The following ZSCAN5A variants were observed in gnomAD, a reference collection of about 807,000 sequenced individuals.
The protein encoded by ZSCAN5A is zinc finger and SCAN domain containing 5A.
Under a neutral mutation model 23.7 loss-of-function variants are expected in ZSCAN5A, and 12 were observed. The observed-to-expected ratio is 0.51, with a 90% CI of 0.32 to 0.82. ZSCAN5A has a LOEUF of 0.82. ZSCAN5A is among the 40% of genes least tolerant of loss of function. The pLI, the probability that ZSCAN5A is intolerant of heterozygous loss-of-function variation, is 0.03. For missense variants in ZSCAN5A, 597 were observed against 617.9 expected, an observed-to-expected ratio of 0.97 and a Z score of 0.36; for synonymous variants, 257 against 239.9, an observed-to-expected ratio of 1.07 and a Z score of -0.66.
chr19:56,276,506 C>CTTTTT (rs3059506), intron 2 of ZSCAN5A, among the ~76,000 whole-genome samples: 52,413 of 138,538 alleles, frequency 0.38, 10,967 homozygotes, highest in Non-Finnish European at 0.48. Context: ...CTAAAGAGCT[C>CTTTTT]TTTTTTTTTT....
At chr19:56,273,778 G>A (rs1298400510) in intron 2 of ZSCAN5A, among the ~76,000 whole-genome samples, 1 of 152,182 alleles carries the variant, frequency 6.6e-6, no homozygotes, top group Non-Finnish European at 1.5e-5. Context: ...GGGCATGTGA[G>A]TCACAGGAAA....
intron 2 of ZSCAN5A, among the ~76,000 whole-genome samples, chr19:56,349,073 G>C (rs567702595): frequency 1.3e-5 from 2 of 152,222 alleles, no homozygotes; most frequent in Non-Finnish European, 2.9e-5. Context: ...CTTTTCACTT[G>C]GGAAAGGATA....
chr19:56,253,470 G>A (rs1216928253), intron 2 of ZSCAN5A, among the ~76,000 whole-genome samples: 3 of 152,092 alleles, frequency 2.0e-5, no homozygotes, highest in Non-Finnish European at 2.9e-5. Context: ...AAAGAATCCC[G>A]TGCACCAAAT....
chr19:56,354,736 C>G (rs974380697), intron 2 of ZSCAN5A: 1 of 152,550 alleles, frequency 6.6e-6, no homozygotes, highest in Non-Finnish European at 1.5e-5. Context: ...CCTTCCCATT[C>G]AGCTCTTCCC....
chr19:56,223,152 C>A (rs1241690856), intron 4 of ZSCAN5A, among the ~76,000 whole-genome samples: 1 of 152,140 alleles, frequency 6.6e-6, no homozygotes, highest in Non-Finnish European at 1.5e-5. Context: ...CCCACCTCCA[C>A]CCTCTAGATG....
chr19:56,264,933 C>A (rs113863809), intron 2 of ZSCAN5A, among the ~76,000 whole-genome samples: 5 of 152,082 alleles, frequency 3.3e-5, no homozygotes, highest in African/African-American at 1.2e-4. Flanking sequence ...GCCAGCCTGG[C>A]AGACATGGTG....
At chr19:56,354,361 A>G (rs2041688781) in intron 2 of ZSCAN5A, 1 of 152,160 alleles carries the variant, frequency 6.6e-6, no homozygotes, top group African/African-American at 2.4e-5. Context: ...AACAGGGTAA[A>G]GATGGCCACA....
intron 2 of ZSCAN5A, among the ~76,000 whole-genome samples, chr19:56,303,851 T>G (rs1165365418): frequency 1.3e-5 from 2 of 152,134 alleles, no homozygotes; most frequent in Non-Finnish European, 2.9e-5. Context: ...AGTGGAAGGA[T>G]CTTGCCTTCA....
At chr19:56,254,421 A>G (rs148382617) in intron 2 of ZSCAN5A, among the ~76,000 whole-genome samples, 1 of 152,188 alleles carries the variant, frequency 6.6e-6, no homozygotes, top group African/African-American at 2.4e-5. Flanking sequence ...AGGTCTTTGT[A>G]GCATGTGTCA....
intron 2 of ZSCAN5A, among the ~76,000 whole-genome samples, chr19:56,260,234 G>GTTT (rs2037025963): frequency 8.2e-6 from 1 of 121,948 alleles, no homozygotes; most frequent in African/African-American, 2.8e-5. Flanking sequence ...TTTTTTTTTG[G>GTTT]AGACAGTTTC....
At position 56,351,453 on chromosome 19, in the gene ZSCAN5A, G is replaced by C. The variant is rs2041666852; in HGVS notation, c.-358+11782C>G. Among the ~76,000 whole-genome samples, 1 of 152,026 alleles carries C rather than the reference G, an allele frequency of 6.6e-6. No homozygotes were observed. Among genetic ancestry groups the C allele is most frequent in the Non-Finnish European group, 1.5e-5 (1 of 68,000 alleles). ...CCAGGCTACATGAATAACACACCTG[G>C]TCAAGCCAATCCTTTGGGCCCTATG... On this transcript the variant is annotated intron_variant, in intron 2 of 6. Transcript: ENST00000587340. This position sits in a 1 kb window ranked among gnomAD's most constrained non-coding sequence, Gnocchi z 4.8.
In ZSCAN5A at chr19:56,288,433, C is replaced by T. The variant is rs551086117; in HGVS notation, c.-128+24850G>A. Among the ~76,000 whole-genome samples the T allele has an allele frequency of 3.3e-5, 5 of 152,278 alleles. No individual in the cohort carries two copies. In the East Asian group the frequency reaches 5.8e-4, roughly 18 times the overall value. On this transcript the variant is annotated intron_variant, in intron 2 of 5. Transcript: ENST00000683990. ...CTCAAGATGCCTCCCCTGGTGTCCCCGCAAGGTTAGCAACCATCACCCCCT... is the reference window on the plus strand; with the variant it reads ...CTCAAGATGCCTCCCCTGGTGTCCCTGCAAGGTTAGCAACCATCACCCCCT...
chr19:56,265,678 G>A (rs2037423903), intron 2 of ZSCAN5A, among the ~76,000 whole-genome samples: 2 of 152,046 alleles, frequency 1.3e-5, no homozygotes. Flanking sequence ...GTGGGTTTGG[G>A]AAAGAGTGAA....
At chr19:56,302,598 C>CCT (rs2040394117) in intron 2 of ZSCAN5A, among the ~76,000 whole-genome samples, 2 of 74,824 alleles carry the variant, frequency 2.7e-5, no homozygotes, top group Non-Finnish European at 5.6e-5. Flanking sequence ...CTTCCTCTCC[C>CCT]TCTTCTTCCT....
chr19:56,245,129 AGTAAAGT>A (rs2035768273), intron 2 of ZSCAN5A: 1 of 349,324 alleles, frequency 2.9e-6, no homozygotes, highest in Non-Finnish European at 5.3e-6. Flanking sequence ...TGAACATTAC[AGTAAAGT>A]GTGAGCATTA....
At chr19:56,359,577 TG>T (rs1221403824) in intron 2 of ZSCAN5A, among the ~76,000 whole-genome samples, 3 of 152,222 alleles carry the variant, frequency 2.0e-5, no homozygotes, top group African/African-American at 7.2e-5. Flanking sequence ...ACTCATTTTA[TG>T]AGGCCAGCAT....
chr19:56,344,702 G>A (rs1402290337), intron 2 of ZSCAN5A, among the ~76,000 whole-genome samples: 1 of 151,172 alleles, frequency 6.6e-6, no homozygotes, highest in African/African-American at 2.4e-5. Flanking sequence ...AGGAGATCGA[G>A]ACCATCCTGG....
chr19:56,253,792 G>A (rs548331044), intron 2 of ZSCAN5A, among the ~76,000 whole-genome samples: 10 of 152,232 alleles, frequency 6.6e-5, no homozygotes, highest in South Asian at 2.1e-4. Context: ...GTGTCTCTTC[G>A]TCAATTCAGG....
At chr19:56,256,607 A>G (rs910058833) in intron 2 of ZSCAN5A, among the ~76,000 whole-genome samples, 4 of 152,226 alleles carry the variant, frequency 2.6e-5, no homozygotes, top group Admixed American at 1.3e-4. Flanking sequence ...ACAGACACGT[A>G]TTTTAAGATG....
Sources: allele counts gnomAD v4.1 joint callset (sites outside exome capture counted in the v4.1 genomes callset), GRCh38; gene constraint gnomAD v4.1.1; non-coding constraint Gnocchi (gnomAD v3.1); transcripts MANE v1.5; gene names NCBI Gene and HGNC (gene_info 2026-07-23, HGNC 2026-07-21).